NEK11: variants seen among roughly 807,000 people sequenced by gnomAD.
NEK11 encodes the protein NIMA related kinase 11, also known as serine/threonine-protein kinase Nek11.
A neutral mutation model predicts 80.7 loss-of-function variants in NEK11; 72 were observed. The observed-to-expected ratio is 0.89, with a 90% CI of 0.74 to 1.08. The LOEUF (loss-of-function observed/expected upper bound fraction) is 1.08, where lower values mean the gene tolerates loss of function less well. NEK11 is among the 50% of genes least tolerant of loss of function. NEK11 has a pLI of 0.00. For missense variants in NEK11, 764 were observed against 763.6 expected (o/e 1.00, Z -0.01); for synonymous variants, 251 against 260.7 (o/e 0.96, Z 0.36).
intron 7 of NEK11, among the ~76,000 whole-genome samples, chr3:131,142,270 T>C (rs1262956319): frequency 6.6e-6 from 1 of 152,202 alleles, no homozygotes. Context: ...AAAAGAATAT[T>C]CGCAAAGAGC....
At chr3:131,195,681 G>A (rs1270983775) in intron 14 of NEK11, among the ~76,000 whole-genome samples, 6 of 151,632 alleles carry the variant, frequency 4.0e-5, no homozygotes, top group Admixed American at 2.6e-4. Context: ...GGTGGTCCCC[G>A]GAGTTGTACC....
At chr3:131,309,135 A>G (rs2096752131) in intron 17 of NEK11, among the ~76,000 whole-genome samples, 1 of 152,146 alleles carries the variant, frequency 6.6e-6, no homozygotes, top group Admixed American at 6.5e-5. Flanking sequence ...CCCTGCTCGA[A>G]CGCACTAGGT....
chr3:131,291,289 AT>A (rs1353298895), intron 17 of NEK11, among the ~76,000 whole-genome samples: 1 of 152,194 alleles, frequency 6.6e-6, no homozygotes, highest in African/African-American at 2.4e-5. Context: ...ATTGTATAAT[AT>A]CCCATTGTCT....
intron 10 of NEK11, among the ~76,000 whole-genome samples, chr3:131,158,838 A>T (rs2091134365): frequency 6.6e-6 from 1 of 152,196 alleles, no homozygotes; most frequent in African/African-American, 2.4e-5. Flanking sequence ...GCAAGGATGG[A>T]TCTGCTGCCA....
At chr3:131,120,119 G>A (rs1008023310) in intron 5 of NEK11, among the ~76,000 whole-genome samples, 10 of 152,176 alleles carry the variant, frequency 6.6e-5, no homozygotes, top group African/African-American at 1.2e-4. Flanking sequence ...GCTGGTACTG[G>A]TTGTTCCTTT....
At chr3:131,032,392 C>A (rs753951175) in intron 3 of NEK11, among the ~76,000 whole-genome samples, 45 of 152,228 alleles carry the variant, frequency 3.0e-4, no homozygotes, top group Admixed American at 3.9e-4. Flanking sequence ...AGCTAGGCAG[C>A]AGCTACTCCC....
chr3:131,035,169 C>T (rs934508435), intron 3 of NEK11, among the ~76,000 whole-genome samples: 1 of 152,154 alleles, frequency 6.6e-6, no homozygotes, highest in South Asian at 2.1e-4. Flanking sequence ...CAAGTCCAGG[C>T]TCTTGCCTCC....
At chr3:131,096,206 G>T (rs1000327344) in intron 4 of NEK11, among the ~76,000 whole-genome samples, 1 of 151,612 alleles carries the variant, frequency 6.6e-6, no homozygotes, top group Non-Finnish European at 1.5e-5. Flanking sequence ...CTAGTAGTTG[G>T]CAGTGTCTGT....
At chr3:131,165,393 A>G in intron 11 of NEK11, 33 bp from the exon 12 acceptor site, 1 of 1,305,790 alleles carries the variant, frequency 7.7e-7, no homozygotes, top group Non-Finnish European at 1.1e-6. Flanking sequence ...AGCAATTCGC[A>G]GTTATTTTTC....
intron 14 of NEK11, among the ~76,000 whole-genome samples, chr3:131,214,691 G>A (rs1448788134): frequency 2.2e-5 from 2 of 89,948 alleles, no homozygotes; most frequent in South Asian, 4.2e-4. Context: ...GTGAATGTGC[G>A]TGCATGTGTG....
At chr3:131,031,255 TAAAAG>T (rs1040439431) in intron 3 of NEK11, among the ~76,000 whole-genome samples, 31 of 152,254 alleles carry the variant, frequency 2.0e-4, no homozygotes, top group African/African-American at 6.8e-4. Context: ...TGAGGGATGA[TAAAAG>T]AGCTGGCATT....
At chr3:131,058,934 A>G (rs993421331) in intron 3 of NEK11, among the ~76,000 whole-genome samples, 3 of 152,330 alleles carry the variant, frequency 2.0e-5, no homozygotes, top group Non-Finnish European at 2.9e-5. Context: ...CATTTTCCGT[A>G]TTAACAATAG....
chr3:131,117,119 T>A (rs12639524), intron 5 of NEK11, among the ~76,000 whole-genome samples: 1 of 152,084 alleles, frequency 6.6e-6, no homozygotes, highest in African/African-American at 2.4e-5. Flanking sequence ...GGTCTAACAG[T>A]TAAGTCTTTA....
chr3:131,205,904 G>A (rs2094429402), intron 14 of NEK11, among the ~76,000 whole-genome samples: 1 of 152,156 alleles, frequency 6.6e-6, no homozygotes. Flanking sequence ...TTTCTTATCA[G>A]TTTTTCCTGA....
intron 14 of NEK11, among the ~76,000 whole-genome samples, chr3:131,228,100 A>G (rs1342466636): frequency 6.6e-6 from 1 of 152,106 alleles, no homozygotes; most frequent in African/African-American, 2.4e-5. Context: ...AATATCTAGG[A>G]AAAATGCTGT....
At chr3:131,090,497 C>T (rs574816679) in intron 4 of NEK11, among the ~76,000 whole-genome samples, 2 of 152,296 alleles carry the variant, frequency 1.3e-5, no homozygotes, top group South Asian at 4.1e-4. Context: ...TTAAATATTT[C>T]TCAAGGACAA....
chr3:131,055,824 G>A (rs80009629), intron 3 of NEK11, among the ~76,000 whole-genome samples: 1,541 of 152,250 alleles, frequency 0.01, 20 homozygotes, highest in East Asian at 0.073. Context: ...TTCATATTAC[G>A]TTTGGTATTA....
intron 5 of NEK11, among the ~76,000 whole-genome samples, chr3:131,131,429 T>A (rs1255889487): frequency 6.6e-6 from 1 of 152,158 alleles, no homozygotes; most frequent in African/African-American, 2.4e-5. Context: ...ATTGTCTACT[T>A]CTTGTATGAT....
intron 5 of NEK11, among the ~76,000 whole-genome samples, chr3:131,128,334 C>T (rs571842839): frequency 7.4e-4 from 112 of 152,278 alleles, no homozygotes; most frequent in African/African-American, 2.4e-3. Context: ...CCCTCTTAAA[C>T]CCTGGCAACC....
Sources: gnomAD v4.1 joint callset for allele counts (sites outside exome capture counted in the v4.1 genomes callset) on GRCh38, gnomAD v4.1.1 for gene constraint, MANE v1.5 for transcripts, NCBI Gene and HGNC (gene_info 2026-07-23, HGNC 2026-07-21) for gene names.